The following ADGRL3 variants were observed in gnomAD, a reference collection of about 807,000 sequenced individuals.
ADGRL3 encodes the protein calcium-independent alpha-latrotoxin receptor 3.
Under a neutral mutation model 153.5 loss-of-function variants are expected in ADGRL3, and 62 were observed. That is an observed-to-expected ratio of 0.40 (90% CI 0.33 to 0.50). ADGRL3 has a LOEUF of 0.50. ADGRL3 is among the 20% of genes least tolerant of loss of function. The probability of loss-of-function intolerance (pLI) is 0.47; values close to 1 mark genes in which losing one functional copy is unlikely to be tolerated. For synonymous variants in ADGRL3, 710 were observed against 672.5 expected, an observed-to-expected ratio of 1.06 and a Z score of -0.86; for missense variants, 1,641 against 1,859.4, an observed-to-expected ratio of 0.88 and a Z score of 2.16.
At chr4:61,290,308 G>GAACATATGGTT (rs2094124102) in intron 1 of ADGRL3, among the ~76,000 whole-genome samples, 2 of 152,112 alleles carry the variant, frequency 1.3e-5, no homozygotes, top group South Asian at 4.1e-4. Context: ...TATATTATCA[G>GAACATATGGTT]AACATATGGT....
chr4:61,221,471 T>C (rs1366099559), intron 1 of ADGRL3, among the ~76,000 whole-genome samples: 1 of 152,150 alleles, frequency 6.6e-6, no homozygotes, highest in Non-Finnish European at 1.5e-5. Flanking sequence ...AATTATAGTA[T>C]TCAAAAGAGA....
chr4:61,621,401 T>G (rs1453469281), intron 5 of ADGRL3, among the ~76,000 whole-genome samples: 6 of 152,330 alleles, frequency 3.9e-5, no homozygotes, highest in Non-Finnish European at 7.4e-5. Context: ...TCTAGCCAGC[T>G]GACCCCAGTA....
At chr4:61,215,907 T>A (rs2148932436) in intron 1 of ADGRL3, among the ~76,000 whole-genome samples, 1 of 152,246 alleles carries the variant, frequency 6.6e-6, no homozygotes, top group South Asian at 2.1e-4. Context: ...AGGAATGATG[T>A]TATCACTCTC....
intron 8 of ADGRL3, among the ~76,000 whole-genome samples, chr4:61,744,041 C>T (rs186805951): frequency 2.8e-3 from 425 of 152,266 alleles, no homozygotes; most frequent in African/African-American, 9.4e-3. Flanking sequence ...GCTTAAAAAA[C>T]GGCACACCAG....
At chr4:61,974,692 A>G (rs2099041839) in intron 17 of ADGRL3, among the ~76,000 whole-genome samples, 1 of 152,230 alleles carries the variant, frequency 6.6e-6, no homozygotes, top group South Asian at 2.1e-4. Flanking sequence ...AAGTGACAAG[A>G]TTAAATTCAA....
At chr4:61,492,916 A>C (rs2098273410) in intron 2 of ADGRL3, among the ~76,000 whole-genome samples, 1 of 152,128 alleles carries the variant, frequency 6.6e-6, no homozygotes, top group Admixed American at 6.6e-5. Flanking sequence ...AAATTAGGTC[A>C]TTTTAATCAA....
intron 1 of ADGRL3, among the ~76,000 whole-genome samples, chr4:61,375,207 A>T (rs2096589477): frequency 6.6e-6 from 1 of 152,164 alleles, no homozygotes; most frequent in Non-Finnish European, 1.5e-5. Flanking sequence ...TTGGCACAAT[A>T]ACTTGTTCTT....
chr4:61,769,594 T>C (rs539081553), intron 8 of ADGRL3, among the ~76,000 whole-genome samples: 3 of 152,010 alleles, frequency 2.0e-5, no homozygotes, highest in Admixed American at 1.3e-4. Context: ...GTGAGCAACA[T>C]GGCTGTTGCT....
intron 9 of ADGRL3, among the ~76,000 whole-genome samples, chr4:61,867,506 AT>A (rs1425868988): frequency 4.4e-5 from 3 of 68,252 alleles, no homozygotes; most frequent in African/African-American, 9.6e-5. Flanking sequence ...TCTCAAAAAA[AT>A]ATATATGCAT....
intron 1 of ADGRL3, among the ~76,000 whole-genome samples, chr4:61,365,947 C>T (rs1007624062): frequency 6.6e-6 from 1 of 152,134 alleles, no homozygotes; most frequent in South Asian, 2.1e-4. Flanking sequence ...AAGCTATAAT[C>T]TTAATTTTCT....
intron 2 of ADGRL3, among the ~76,000 whole-genome samples, chr4:61,460,813 A>G (rs1279050270): frequency 6.6e-6 from 1 of 152,146 alleles, no homozygotes; most frequent in Non-Finnish European, 1.5e-5. Flanking sequence ...TCATGCCTGT[A>G]ATCCCAGCAC....
In ADGRL3 at chr4:61,888,997, T is replaced by C. The variant is rs549147817; in HGVS notation, c.1481-3659T>C. On this transcript the variant is annotated intron_variant, in intron 9 of 26. Transcript: ENST00000683033. ...ATTGTACACACTCTTAACCACCCCA[T>C]TTGCTTGTCCCACTTTATCCTTTCT... is the stretch of plus-strand genomic sequence containing the variant. 1.2e-4 allele frequency among the ~76,000 whole-genome samples: 19 copies of C among 152,298 alleles called. No individual in the cohort carries two copies. The East Asian group carries it at 3.7e-3, about 29-fold the overall frequency.
At chr4:61,704,841 T>C (rs2151372112) in intron 6 of ADGRL3, among the ~76,000 whole-genome samples, 1 of 152,336 alleles carries the variant, frequency 6.6e-6, no homozygotes, top group African/African-American at 2.4e-5. Context: ...ACCACTTTCA[T>C]TGCTCATTCA....
chr4:61,333,924 T>A (rs1171456737), intron 1 of ADGRL3, among the ~76,000 whole-genome samples: 1 of 151,572 alleles, frequency 6.6e-6, no homozygotes, highest in Non-Finnish European at 1.5e-5. Context: ...CCTGTATTTT[T>A]TTTTTTTTTT....
chr4:61,747,380 C>A (rs979712104), intron 8 of ADGRL3, among the ~76,000 whole-genome samples: 1 of 151,996 alleles, frequency 6.6e-6, no homozygotes. Flanking sequence ...CATCCTGAAC[C>A]AAAGCCTGGC....
At chr4:61,849,518 A>T (rs2098176402) in intron 9 of ADGRL3, among the ~76,000 whole-genome samples, 2 of 151,784 alleles carry the variant, frequency 1.3e-5, no homozygotes, top group South Asian at 2.1e-4. Context: ...CAAAAACTGG[A>T]TCCATTTTCT....
chr4:61,324,733 C>T (rs1394458879), intron 1 of ADGRL3, among the ~76,000 whole-genome samples: 2 of 152,080 alleles, frequency 1.3e-5, no homozygotes, highest in Admixed American at 6.6e-5. Flanking sequence ...TTACTGAACA[C>T]TTTTTATGCA....
intron 8 of ADGRL3, chr4:61,775,909 T>A (rs2097143336): frequency 4.2e-6 from 1 of 236,868 alleles, no homozygotes; most frequent in Non-Finnish European, 7.9e-6. Flanking sequence ...ATTTATTTAT[T>A]TATTTTTTTG....
At chr4:61,935,522 G>C (rs1178617137) in intron 14 of ADGRL3, among the ~76,000 whole-genome samples, 1 of 152,036 alleles carries the variant, frequency 6.6e-6, no homozygotes, top group East Asian at 1.9e-4. Context: ...TTTTATTTCA[G>C]AAGTTAGGAA....
Sources: gnomAD v4.1 joint callset for allele counts (sites outside exome capture counted in the v4.1 genomes callset) on GRCh38, gnomAD v4.1.1 for gene constraint, MANE v1.5 for transcripts, NCBI Gene and HGNC (gene_info 2026-07-23, HGNC 2026-07-21) for gene names.